Variants in RAB6A observed in about 807,000 individuals in gnomAD.
The protein encoded by RAB6A is ras-related protein Rab-6A.
A neutral mutation model predicts 32.3 loss-of-function variants in RAB6A; 8 were observed. The ratio of observed to expected loss-of-function variants is 0.25; its 90% CI spans 0.15 to 0.45. The LOEUF (loss-of-function observed/expected upper bound fraction) is 0.45, where lower values mean the gene tolerates loss of function less well. Among genes scored for constraint, RAB6A ranks in the 20% least tolerant of loss-of-function variants. RAB6A has a pLI of 1.00. For missense variants in RAB6A, 104 were observed against 249.4 expected (o/e 0.42, Z 3.93); for synonymous variants, 73 against 82.1 (o/e 0.89, Z 0.60).
intron 6 of RAB6A, among the ~76,000 whole-genome samples, chr11:73,692,111 A>C (rs1277677365): frequency 1.3e-5 from 2 of 152,206 alleles, no homozygotes; most frequent in Non-Finnish European, 2.9e-5. Context: ...TACTCAGCAG[A>C]CCAACACAGA....
At chr11:73,693,339 T>C (rs766908061) in intron 6 of RAB6A, among the ~76,000 whole-genome samples, 16 of 151,962 alleles carry the variant, frequency 1.1e-4, no homozygotes, top group Non-Finnish European at 1.9e-4. Flanking sequence ...AAGGATTTAA[T>C]TAACATAAGC....
chr11:73,727,136 T>C (rs73548314), intron 2 of RAB6A, among the ~76,000 whole-genome samples: 107 of 152,220 alleles, frequency 7.0e-4, no homozygotes, highest in Non-Finnish European at 1.2e-3. Context: ...CACAAAAGAA[T>C]AGAGCTTTTG....
chr11:73,759,422 C>A (rs1160462534), intron 1 of RAB6A, among the ~76,000 whole-genome samples: 1 of 151,882 alleles, frequency 6.6e-6, no homozygotes, highest in African/African-American at 2.4e-5. Flanking sequence ...GACAGCAGAA[C>A]CTGACCAGGT....
At chr11:73,731,952 G>T (rs1259479670) in intron 1 of RAB6A, among the ~76,000 whole-genome samples, 3 of 150,780 alleles carry the variant, frequency 2.0e-5, no homozygotes, top group Non-Finnish European at 4.4e-5. Flanking sequence ...TCATGGCCAG[G>T]ATGGTCTTGA....
At position 73,753,100 on chromosome 11, in the gene RAB6A, A is replaced by AT. The variant is rs1946692124; in HGVS notation, c.70+7465dup. On this transcript the variant is annotated intron_variant, in intron 1 of 7. Transcript: ENST00000336083. ...TCGTTTGCTAAAAAAATTTTTTTTA[A>AT]TCAGCCGAGCGCAATGGCGAATGCC... Among the ~76,000 whole-genome samples, 3 of 152,232 alleles carry AT rather than the reference A, an allele frequency of 2.0e-5. No homozygotes were observed. The South Asian group carries it at 6.2e-4, about 32-fold the overall frequency.
chr11:73,680,742 A>C (rs972947089), intron 6 of RAB6A, among the ~76,000 whole-genome samples: 3 of 152,186 alleles, frequency 2.0e-5, no homozygotes, highest in African/African-American at 7.2e-5. Context: ...TTCATCGTTC[A>C]TTAGAAAAGC....
At chr11:73,715,127 A>T (rs1043039174) in intron 5 of RAB6A, among the ~76,000 whole-genome samples, 1 of 152,138 alleles carries the variant, frequency 6.6e-6, no homozygotes, top group Non-Finnish European at 1.5e-5. Context: ...CAACTGTACT[A>T]CCAATTCTTT....
intron 1 of RAB6A, among the ~76,000 whole-genome samples, chr11:73,737,283 G>A (rs1239454006): frequency 2.0e-5 from 3 of 151,994 alleles, no homozygotes; most frequent in East Asian, 1.9e-4. Context: ...ACAGGAGTTC[G>A]AGATCAGCCT....
At chr11:73,707,123 A>G (rs774877006) in intron 6 of RAB6A, among the ~76,000 whole-genome samples, 139 of 136,842 alleles carry the variant, frequency 1.0e-3, no homozygotes, top group Non-Finnish European at 1.9e-3. Context: ...CATCTCAAAA[A>G]AGAAAAAAAA....
At chr11:73,760,445 G>A in intron 1 of RAB6A, 121 bp downstream of exon 1, 1 of 1,316,336 alleles carries the variant, frequency 7.6e-7, no homozygotes, top group Non-Finnish European at 1.0e-6. Flanking sequence ...GGGAAGGGCT[G>A]CGGTGGCAAC....
intron 1 of RAB6A, among the ~76,000 whole-genome samples, chr11:73,738,482 C>T (rs1946436466): frequency 6.6e-6 from 1 of 151,924 alleles, no homozygotes; most frequent in Non-Finnish European, 1.5e-5. Flanking sequence ...ACTCCATCTC[C>T]AAAAACATTT....
chr11:73,688,991 T>A lies in RAB6A; in HGVS notation c.496-9271A>T, dbSNP rs758872069. On this transcript the variant is annotated intron_variant, in intron 6 of 7. Coordinates refer to ENST00000336083, the MANE Select transcript of RAB6A (RefSeq NM_198896.2). ...ATAAAAAATTAGCCAGGTGTGGTGG[T>A]AGGCTCCTGTAGTCCAAGCTATTCA... Among the ~76,000 whole-genome samples the A allele has an allele frequency of 4.0e-4, 61 of 152,064 alleles. 2 individuals are homozygous for A. The highest frequency in any genetic ancestry group is 8.8e-5 in the Non-Finnish European group (6 of 68,006).
At chr11:73,720,072 C>T (rs1946111601) in intron 3 of RAB6A, among the ~76,000 whole-genome samples, 1 of 151,190 alleles carries the variant, frequency 6.6e-6, no homozygotes, top group African/African-American at 2.4e-5. Context: ...GTTTAGGTGA[C>T]AAGTATCTCT....
chr11:73,721,012 C>T (rs1946126535), intron 2 of RAB6A, 113 bp from the exon 3 acceptor site: 2 of 796,648 alleles, frequency 2.5e-6, no homozygotes, highest in African/African-American at 1.7e-5. Flanking sequence ...CAAATCAATA[C>T]AACATAGTCA....
In RAB6A at chr11:73,692,398, G is replaced by A. The variant is rs548116417; in HGVS notation, c.496-12678C>T. 1.9e-3 allele frequency among the ~76,000 whole-genome samples: 288 copies of A among 150,274 alleles called. 1 individual carries two copies. Among genetic ancestry groups the A allele is most frequent in the African/African-American group, 6.5e-3 (264 of 40,856 alleles). On this transcript the variant is annotated intron_variant, in intron 6 of 7. Coordinates refer to ENST00000336083, the MANE Select transcript of RAB6A (RefSeq NM_198896.2). ...GGCGCCTGTAGTCCCAGCTACTAGGGAGGCTGAGGCAGGAGAATGGCGTGA... is the reference window on the plus strand; with the variant it reads ...GGCGCCTGTAGTCCCAGCTACTAGGAAGGCTGAGGCAGGAGAATGGCGTGA...
intron 5 of RAB6A, among the ~76,000 whole-genome samples, chr11:73,713,320 C>T (rs1369403387): frequency 1.3e-5 from 2 of 152,200 alleles, no homozygotes; most frequent in Non-Finnish European, 2.9e-5. Flanking sequence ...CCTGTAATCC[C>T]AGCACTTTGG....
chr11:73,760,411 G>A (rs922532471), intron 1 of RAB6A, among the ~76,000 whole-genome samples, 155 bp downstream of exon 1: 3 of 152,166 alleles, frequency 2.0e-5, no homozygotes, highest in Non-Finnish European at 4.4e-5. Context: ...CTGGCGAAGA[G>A]CCAGTGGCAC....
intron 5 of RAB6A, among the ~76,000 whole-genome samples, chr11:73,714,839 G>A (rs1225819350): frequency 2.7e-5 from 4 of 149,936 alleles, no homozygotes; most frequent in African/African-American, 9.8e-5. Flanking sequence ...GGTGGCAGGC[G>A]CCTGTAATCC....
At position 73,721,528 on chromosome 11, in the gene RAB6A, G is replaced by T. The variant is rs554337025; in HGVS notation, c.130-629C>A. On this transcript the variant is annotated intron_variant, in intron 2 of 7. Coordinates refer to ENST00000336083, the MANE Select transcript of RAB6A (RefSeq NM_198896.2). ...CTGTTTTCCCTATCAAGAGAAAATGGTGAAATAATAAGAGAATAGAAAGAA... is the reference window on the plus strand; with the variant it reads ...CTGTTTTCCCTATCAAGAGAAAATGTTGAAATAATAAGAGAATAGAAAGAA... 2.6e-5 allele frequency among the ~76,000 whole-genome samples: 4 copies of T among 152,160 alleles called. No homozygotes were observed. In the East Asian group the frequency reaches 7.7e-4, roughly 29 times the overall value.
Sources: allele counts gnomAD v4.1 joint callset (sites outside exome capture counted in the v4.1 genomes callset), GRCh38; gene constraint gnomAD v4.1.1; transcripts MANE v1.5; gene names NCBI Gene and HGNC (gene_info 2026-07-23, HGNC 2026-07-21).